PCDHA7: variants seen among roughly 807,000 people sequenced by gnomAD.
PCDHA7 encodes the protein protocadherin alpha 7.
A neutral mutation model predicts 57.2 loss-of-function variants in PCDHA7; 37 were observed. That is an observed-to-expected ratio of 0.65 (90% CI 0.50 to 0.85). The LOEUF (loss-of-function observed/expected upper bound fraction) is 0.85, where lower values mean the gene tolerates loss of function less well. Among genes scored for constraint, PCDHA7 ranks in the 40% least tolerant of loss-of-function variants. PCDHA7 has a pLI of 0.00. For synonymous variants in PCDHA7, 553 were observed against 558.8 expected (o/e 0.99, Z 0.15); for missense variants, 1,188 against 1,241.8 (o/e 0.96, Z 0.65).
At chr5:140,870,219 CG>C in intron 1 of PCDHA7, 1 of 1,614,152 alleles carries the variant, frequency 6.2e-7, no homozygotes. Flanking sequence ...CCCTGATCAG[CG>C]TGTCTGACCG....
intron 3 of PCDHA7, among the ~76,000 whole-genome samples, chr5:141,000,339 A>ATC (rs1414297743): frequency 9.8e-6 from 1 of 102,338 alleles, no homozygotes; most frequent in Non-Finnish European, 2.1e-5. Context: ...GCAAGGCCCT[A>ATC]TCTCTCTCTC....
At chr5:140,866,125 C>T (rs577622922) in intron 1 of PCDHA7, 6 of 152,174 alleles carry the variant, frequency 3.9e-5, no homozygotes, top group East Asian at 1.9e-4. Flanking sequence ...ATAAGAACTA[C>T]GTATCTGTTG....
At chr5:140,967,979 G>C (rs1405177525) in intron 1 of PCDHA7, 3 of 1,614,100 alleles carry the variant, frequency 1.9e-6, no homozygotes, top group Non-Finnish European at 2.5e-6. Flanking sequence ...CCTGGGTCTG[G>C]AGGCCACACT....
chr5:140,848,297 T>C, intron 1 of PCDHA7: 1 of 658,484 alleles, frequency 1.5e-6, no homozygotes, highest in Non-Finnish European at 2.6e-6. Flanking sequence ...TTGGGCCACG[T>C]GATGTCACTC....
chr5:140,985,739 C>CTTTTT (rs11372071), intron 3 of PCDHA7, among the ~76,000 whole-genome samples: 4 of 117,922 alleles, frequency 3.4e-5, no homozygotes, highest in East Asian at 2.5e-4. Flanking sequence ...TGATGAATTC[C>CTTTTT]TTTTTTTTTT....
At position 140,843,578 on chromosome 5, in the gene PCDHA7, C is replaced by T. The variant is rs1372766659; in HGVS notation, c.2355+6840C>T. On this transcript the variant is annotated intron_variant, in intron 1 of 3. Coordinates refer to ENST00000525929, the MANE Select transcript of PCDHA7 (RefSeq NM_018910.3). ...GGTGGGGAGCTGGTCATACTCGCAA[C>T]AACAGCCGCAGAGGGTGTGCTCTGG... 9 of 1,595,980 alleles carry T rather than the reference C, an allele frequency of 5.6e-6. 1 individual carries two copies. The highest frequency in any genetic ancestry group is 7.7e-6 in the Non-Finnish European group (9 of 1,165,492).
chr5:140,863,319 C>A, intron 1 of PCDHA7: 1 of 1,445,714 alleles, frequency 6.9e-7, no homozygotes, highest in Non-Finnish European at 9.4e-7. Context: ...TGGTGTCCAG[C>A]CTGTTAGTGC....
At chr5:140,968,166 C>G (rs782037307) in intron 1 of PCDHA7, 1 of 1,614,004 alleles carries the variant, frequency 6.2e-7, no homozygotes, top group Non-Finnish European at 8.5e-7. Flanking sequence ...GACAATCCAC[C>G]AAGCTTCCTG....
intron 3 of PCDHA7, among the ~76,000 whole-genome samples, chr5:141,000,417 A>ATT (rs1563652061): frequency 3.2e-4 from 25 of 77,724 alleles, no homozygotes; most frequent in African/African-American, 1.1e-3. Context: ...ATATATATAT[A>ATT]TATATTTTTT....
intron 1 of PCDHA7, chr5:140,865,673 C>A (rs1438550706): frequency 6.6e-6 from 1 of 152,132 alleles, no homozygotes; most frequent in Non-Finnish European, 1.5e-5. Flanking sequence ...ATAACAATTT[C>A]TAAAGTACAT....
chr5:140,947,570 TG>T (rs2094146227), intron 1 of PCDHA7, among the ~76,000 whole-genome samples: 1 of 151,820 alleles, frequency 6.6e-6, no homozygotes, highest in African/African-American at 2.4e-5. Flanking sequence ...ATATTGGGAA[TG>T]TTTTTAACAT....
At chr5:140,947,635 G>T (rs1170525936) in intron 1 of PCDHA7, among the ~76,000 whole-genome samples, 1 of 151,538 alleles carries the variant, frequency 6.6e-6, no homozygotes, top group Non-Finnish European at 1.5e-5. Flanking sequence ...TCATCAGATC[G>T]TATGAACATA....
chr5:140,921,213 G>T (rs759293646), intron 1 of PCDHA7, among the ~76,000 whole-genome samples: 1 of 151,496 alleles, frequency 6.6e-6, no homozygotes, highest in Admixed American at 6.6e-5. Flanking sequence ...GATAATTCAC[G>T]TCTTTTTTGC....
chr5:140,838,651 G>A (rs1775818382), intron 1 of PCDHA7, among the ~76,000 whole-genome samples: 1 of 151,988 alleles, frequency 6.6e-6, no homozygotes, highest in Non-Finnish European at 1.5e-5. Context: ...AAAAATGATA[G>A]TTAACGGGGC....
intron 1 of PCDHA7, chr5:140,843,527 A>T (rs2150362053): frequency 6.3e-7 from 1 of 1,595,944 alleles, no homozygotes; most frequent in East Asian, 2.2e-5. Flanking sequence ...CCGGGCGGGC[A>T]AGCCCACTCT....
Position 140,857,729 on chromosome 5 carries a change from G to T in PCDHA7, c.2355+20991G>T, listed in dbSNP as rs782508750. 3 of 1,597,292 alleles carry T rather than the reference G, an allele frequency of 1.9e-6. No homozygotes were observed. In the East Asian group the frequency reaches 6.7e-5, roughly 36 times the overall value. On this transcript the variant is annotated intron_variant, in intron 1 of 3. Coordinates refer to ENST00000525929, the MANE Select transcript of PCDHA7 (RefSeq NM_018910.3). ...GTTCGTGCTGGACGAGAACGACAACGCTCCCGCGCTGCTGGCGTCTCCCGC... is the reference window on the plus strand; with the variant it reads ...GTTCGTGCTGGACGAGAACGACAACTCTCCCGCGCTGCTGGCGTCTCCCGC...
chr5:140,948,492 A>C (rs915795889), intron 1 of PCDHA7, among the ~76,000 whole-genome samples: 1 of 151,594 alleles, frequency 6.6e-6, no homozygotes, highest in Non-Finnish European at 1.5e-5. Flanking sequence ...AATTTCTTTC[A>C]TAGACTTTCT....
chr5:140,928,012 A>G (rs2084863036), intron 1 of PCDHA7: 2 of 1,614,190 alleles, frequency 1.2e-6, no homozygotes, highest in African/African-American at 2.7e-5. Context: ...TTCTAATGGT[A>G]GGGTCATTTG....
At chr5:140,894,841 T>C in intron 1 of PCDHA7, among the ~76,000 whole-genome samples, 1 of 152,184 alleles carries the variant, frequency 6.6e-6, no homozygotes, top group East Asian at 1.9e-4. Context: ...TTTCTTATGC[T>C]CATTTTTATA....
Sources: gnomAD v4.1 joint callset for allele counts (sites outside exome capture counted in the v4.1 genomes callset) on GRCh38, gnomAD v4.1.1 for gene constraint, MANE v1.5 for transcripts, NCBI Gene and HGNC (gene_info 2026-07-23, HGNC 2026-07-21) for gene names.